EPB41L4B: variants seen among roughly 807,000 people sequenced by gnomAD.
The protein encoded by EPB41L4B is band 4.1-like protein 4B.
EPB41L4B carries 30 observed loss-of-function variants against 112.5 expected under a neutral mutation model. The ratio of observed to expected loss-of-function variants is 0.27; its 90% CI spans 0.20 to 0.36. The LOEUF (loss-of-function observed/expected upper bound fraction) is 0.36, where lower values mean the gene tolerates loss of function less well. Ranked by LOEUF, EPB41L4B falls within the 10% of genes least tolerant of loss-of-function variation. The pLI is 1.00. For missense variants in EPB41L4B, 1,024 were observed against 1,133.3 expected (o/e 0.90, Z 1.38); for synonymous variants, 408 against 439.7 (o/e 0.93, Z 0.90).
intron 15 of EPB41L4B, among the ~76,000 whole-genome samples, chr9:109,228,547 C>T (rs115764386): frequency 0.011 from 1,686 of 152,310 alleles, 36 homozygotes; most frequent in African/African-American, 0.039. Context: ...TTCCTGACTA[C>T]TCTTTCTCTT....
intron 15 of EPB41L4B, among the ~76,000 whole-genome samples, chr9:109,237,863 C>T (rs562330179): frequency 3.6e-4 from 54 of 152,090 alleles, no homozygotes; most frequent in African/African-American, 1.2e-3. Context: ...TAGCTACCTA[C>T]TGGTGTGGTG....
chr9:109,249,506 ATT>A (rs201271741), intron 13 of EPB41L4B, among the ~76,000 whole-genome samples: 50 of 141,458 alleles, frequency 3.5e-4, no homozygotes, highest in African/African-American at 1.0e-3. Flanking sequence ...TTTGGGCAGA[ATT>A]TTTTTTTTTT....
rs78952864 is a variant in EPB41L4B, at chr9:109,173,423, T to A, written c.*1131A>T. On this transcript the variant is annotated 3_prime_UTR_variant, in exon 26 of 26. Coordinates refer to ENST00000374566, the MANE Select transcript of EPB41L4B (RefSeq NM_019114.5). ...AAAAGAAGGAGCAGTTTTTTTTTTT[T>A]ACAGACATTCATAGCAGCACTATTT... 1 of 152,416 alleles carries A rather than the reference T, an allele frequency of 6.6e-6. No homozygotes were observed. The highest frequency in any genetic ancestry group is 2.4e-5 in the African/African-American group (1 of 41,394). The allele number at this position is 152,416 out of a possible 1,614,324, so 9.4% of individuals were successfully genotyped here. A position where few individuals can be genotyped will look rare whatever the true frequency, so the allele number is the denominator to read the frequency against.
intron 15 of EPB41L4B, among the ~76,000 whole-genome samples, chr9:109,230,268 G>T (rs1477043450): frequency 6.6e-6 from 1 of 152,194 alleles, no homozygotes; most frequent in Non-Finnish European, 1.5e-5. Context: ...GCAGAGCTGG[G>T]ATTTGAACCC....
chr9:109,282,667 T>C (rs1212007848), intron 1 of EPB41L4B, among the ~76,000 whole-genome samples: 1 of 152,172 alleles, frequency 6.6e-6, no homozygotes, highest in Non-Finnish European at 1.5e-5. Flanking sequence ...ATTTAGCCTG[T>C]GAGAACCACT....
chr9:109,303,407 G>A (rs1159594454), intron 1 of EPB41L4B, among the ~76,000 whole-genome samples: 9 of 151,952 alleles, frequency 5.9e-5, no homozygotes, highest in South Asian at 2.1e-4. Flanking sequence ...GTGCAGTGGC[G>A]CGATCTCGAC....
chr9:109,255,701 GCCT>G, intron 10 of EPB41L4B, 21 bp from the exon 11 acceptor site: 1 of 1,610,902 alleles, frequency 6.2e-7, no homozygotes, highest in African/African-American at 1.3e-5. Context: ...AAGCACAAGG[GCCT>G]CGAGTGGGCG....
At chr9:109,250,439 A>C (rs1834740226) in intron 13 of EPB41L4B, among the ~76,000 whole-genome samples, 1 of 152,144 alleles carries the variant, frequency 6.6e-6, no homozygotes, top group Non-Finnish European at 1.5e-5. Flanking sequence ...CCGCCTTGAG[A>C]CCTGCGCCTG....
At chr9:109,186,313 A>G (rs964442782) in intron 22 of EPB41L4B, among the ~76,000 whole-genome samples, 4 of 150,966 alleles carry the variant, frequency 2.6e-5, no homozygotes, top group Middle Eastern at 6.9e-3. Flanking sequence ...TCAGCCCCCA[A>G]AGTAGCTGGG....
At chr9:109,317,128 C>T (rs1837663985) in intron 1 of EPB41L4B, among the ~76,000 whole-genome samples, 1 of 152,084 alleles carries the variant, frequency 6.6e-6, no homozygotes, top group Non-Finnish European at 1.5e-5. Context: ...AAAAAAAGAA[C>T]ACTCAGGGAT....
rs1276622882 is a variant in EPB41L4B, at chr9:109,216,599, C to G, written c.1633+323G>C. Among the ~76,000 whole-genome samples, 8 of 149,794 alleles carry G rather than the reference C, an allele frequency of 5.3e-5. 1 individual carries two copies. Reference sequence around the variant, plus strand: ...GAGGGTGCAATGAGCCGAGATCATGCCACTGCACTCCAGCCTGGGTGACAG... The same window carrying G: ...GAGGGTGCAATGAGCCGAGATCATGGCACTGCACTCCAGCCTGGGTGACAG... On this transcript the variant is annotated intron_variant, in intron 16 of 25. Transcript: ENST00000374566.
intron 22 of EPB41L4B, among the ~76,000 whole-genome samples, chr9:109,188,245 G>T (rs886121719): frequency 6.6e-6 from 1 of 152,166 alleles, no homozygotes; most frequent in Non-Finnish European, 1.5e-5. Context: ...GGGAGGAGGA[G>T]TAGACTTTAG....
chr9:109,218,136 T>A (rs2118842474), intron 15 of EPB41L4B, among the ~76,000 whole-genome samples: 1 of 146,168 alleles, frequency 6.8e-6, no homozygotes, highest in Non-Finnish European at 1.5e-5. Context: ...CTTTTTTTTT[T>A]TTTTTTTTTG....
intron 24 of EPB41L4B, 110 bp downstream of exon 24, chr9:109,182,619 C>A: frequency 1.3e-6 from 1 of 786,542 alleles, no homozygotes; most frequent in South Asian, 1.6e-5. Flanking sequence ...TCACAGAGTT[C>A]AACGGTGATC....
chr9:109,256,324 G>A, intron 8 of EPB41L4B, 69 bp downstream of exon 8: 2 of 1,591,588 alleles, frequency 1.3e-6, no homozygotes, highest in Non-Finnish European at 1.7e-6. Flanking sequence ...AAGTTATTTT[G>A]TTTGCATAAT....
intron 15 of EPB41L4B, chr9:109,241,917 C>T: frequency 9.2e-7 from 1 of 1,082,238 alleles, no homozygotes; most frequent in East Asian, 2.4e-5. Context: ...AACCATGAGC[C>T]ATGTGAATGG....
At chr9:109,313,302 A>G (rs1045134312) in intron 1 of EPB41L4B, among the ~76,000 whole-genome samples, 6 of 152,260 alleles carry the variant, frequency 3.9e-5, no homozygotes, top group Non-Finnish European at 5.9e-5. Context: ...GTGAGCAAAC[A>G]AAAACATTTT....
chr9:109,298,262 T>G (rs1836815210), intron 1 of EPB41L4B, among the ~76,000 whole-genome samples: 1 of 152,074 alleles, frequency 6.6e-6, no homozygotes, highest in South Asian at 2.1e-4. Flanking sequence ...ACACAAAAAG[T>G]TAGCCTTTCC....
At chr9:109,228,143 A>C (rs1833845968) in intron 15 of EPB41L4B, among the ~76,000 whole-genome samples, 1 of 152,192 alleles carries the variant, frequency 6.6e-6, no homozygotes, top group Non-Finnish European at 1.5e-5. Context: ...TACATTATCT[A>C]GTGTTTCACC....
Sources: allele counts gnomAD v4.1 joint callset (sites outside exome capture counted in the v4.1 genomes callset), GRCh38; gene constraint gnomAD v4.1.1; transcripts MANE v1.5; gene names NCBI Gene and HGNC (gene_info 2026-07-23, HGNC 2026-07-21).